The following HTRA1 variants were observed in gnomAD, a reference collection of about 807,000 sequenced individuals.
HTRA1 encodes HtrA serine peptidase 1.
HTRA1 carries 26 observed loss-of-function variants against 49.7 expected under a neutral mutation model. The observed-to-expected ratio is 0.52, with a 90% CI of 0.38 to 0.73. The LOEUF (loss-of-function observed/expected upper bound fraction) is 0.73. Among genes scored for constraint, HTRA1 ranks in the 30% least tolerant of loss-of-function variants. The pLI is 0.00. For missense variants in HTRA1, 561 were observed against 667.2 expected (o/e 0.84, Z 1.75); for synonymous variants, 291 against 286.9 (o/e 1.01, Z -0.14).
In HTRA1 at chr10:122,494,785, T is replaced by C. The variant is rs1468417856; in HGVS notation, c.777+5159T>C. 6.6e-6 allele frequency among the ~76,000 whole-genome samples: 1 copy of C among 151,976 alleles called. No homozygotes were observed. Among genetic ancestry groups the C allele is most frequent in the Non-Finnish European group, 1.5e-5 (1 of 67,990 alleles). On this transcript the variant is annotated intron_variant, in intron 3 of 8. Transcript: ENST00000368984. This position sits in a 1 kb window ranked among gnomAD's most constrained non-coding sequence, Gnocchi z 4.0. ...CTTACTGCTGAGCTGGCTGGTGCAG[T>C]GAGAAGGAAGGCCGACACCCCTGAT...
intron 1 of HTRA1, among the ~76,000 whole-genome samples, chr10:122,484,864 C>T (rs1482440474): frequency 6.6e-6 from 1 of 152,166 alleles, no homozygotes; most frequent in Admixed American, 6.5e-5. Flanking sequence ...GCAGTGGACG[C>T]CCCCACCCTC....
intron 1 of HTRA1, among the ~76,000 whole-genome samples, chr10:122,477,653 C>T (rs188255746): frequency 2.6e-5 from 4 of 152,170 alleles, no homozygotes; most frequent in African/African-American, 7.2e-5. Context: ...CCAGAGAGAG[C>T]GGCAGTGTGT....
intron 2 of HTRA1, 148 bp from the exon 3 acceptor site, chr10:122,489,274 C>A: frequency 1.2e-6 from 1 of 816,902 alleles, no homozygotes; most frequent in Non-Finnish European, 2.0e-6. Context: ...AAAAAATTGG[C>A]AGGATGTTTA....
intron 6 of HTRA1, 21 bp downstream of exon 6, chr10:122,508,791 C>A: frequency 7.1e-7 from 1 of 1,410,328 alleles, no homozygotes; most frequent in Non-Finnish European, 1.0e-6. Context: ...CCCACACAGC[C>A]CTGGGGACTC....
intron 1 of HTRA1, among the ~76,000 whole-genome samples, chr10:122,481,607 A>T (rs1311507835): frequency 6.6e-6 from 1 of 152,204 alleles, no homozygotes; most frequent in Non-Finnish European, 1.5e-5. Context: ...CACTGCAGAG[A>T]GCCCAAGAGC....
At chr10:122,467,010 C>T (rs2097484038) in intron 1 of HTRA1, among the ~76,000 whole-genome samples, 3 of 152,154 alleles carry the variant, frequency 2.0e-5, no homozygotes, top group African/African-American at 4.8e-5. Context: ...AAATGGGTTG[C>T]ATTGGAACTT....
chr10:122,491,909 C>CA (rs2097496041), intron 3 of HTRA1, among the ~76,000 whole-genome samples: 1 of 152,162 alleles, frequency 6.6e-6, no homozygotes, highest in South Asian at 2.1e-4. Flanking sequence ...GACTAAACTG[C>CA]TTTTTTTTGC....
At chr10:122,493,701 T>C (rs901315752) in intron 3 of HTRA1, among the ~76,000 whole-genome samples, 20 of 152,346 alleles carry the variant, frequency 1.3e-4, no homozygotes, top group African/African-American at 4.6e-4. Context: ...AAAGCATCTT[T>C]GGAATCATGT....
chr10:122,490,299 T>C lies in HTRA1; in HGVS notation c.777+673T>C, dbSNP rs573981931. Among the ~76,000 whole-genome samples the C allele has an allele frequency of 6.6e-6, 1 of 152,286 alleles. No individual in the cohort carries two copies. Among genetic ancestry groups the C allele is most frequent in the South Asian group, 2.1e-4 (1 of 4,818 alleles). On this transcript the variant is annotated intron_variant, in intron 3 of 8. Transcript: ENST00000368984. The surrounding 1 kb of genome is among the most constrained non-coding windows in gnomAD (Gnocchi z 4.2). Reference sequence around the variant, plus strand: ...AATCATTTGAGTATACAGCTTTTTGTGGGGGCAGGCAGAACTGAGACATAC... The same window carrying C: ...AATCATTTGAGTATACAGCTTTTTGCGGGGGCAGGCAGAACTGAGACATAC...
chr10:122,496,258 T>TTTTTTTTTTTTTTG (rs1565427230), intron 3 of HTRA1, among the ~76,000 whole-genome samples: 5 of 132,506 alleles, frequency 3.8e-5, no homozygotes, highest in African/African-American at 1.4e-4. Context: ...TTTTTTTTTT[T>TTTTTTTTTTTTTTG]TGCAGAGATG....
At position 122,514,189 on chromosome 10, in the gene HTRA1, A is replaced by G; in HGVS notation, c.1275-2A>G. 1 of 1,613,628 alleles carries G rather than the reference A, an allele frequency of 6.2e-7. No individual in the cohort carries two copies. Among genetic ancestry groups the G allele is most frequent in the Non-Finnish European group, 8.5e-7 (1 of 1,179,808 alleles). ...GCCATTGTGTTTCCCTTTGTGTTGC[A>G]GTGGTGGTCTCAAGGAAAACGACGT... On this transcript the variant is annotated splice_acceptor_variant, in intron 8 of 8. Transcript: ENST00000368984. LOFTEE classifies it high-confidence loss of function.
rs571068973 is a variant in HTRA1 at position 122,469,758 on chromosome 10, C to T, written c.472+7634C>T. Among the ~76,000 whole-genome samples the T allele has an allele frequency of 7.7e-4, 118 of 152,308 alleles. 1 individual carries two copies. The highest frequency in any genetic ancestry group is 1.5e-3 in the Non-Finnish European group (99 of 68,032). On this transcript the variant is annotated intron_variant, in intron 1 of 8. Transcript: ENST00000368984. ...GTAACTTGTCCAAGGCCAGCCAGTG[C>T]AAGGAGGCAGAGCCAGGATTTGAGC...
At chr10:122,510,218 A>G in intron 7 of HTRA1, 65 bp downstream of exon 7, 6 of 1,329,736 alleles carry the variant, frequency 4.5e-6, no homozygotes, top group South Asian at 2.4e-5. Context: ...GAAGGTGCTC[A>G]CGGGCACCCC....
rs2097497501 is a variant in HTRA1, at chr10:122,494,327, G to A, written c.777+4701G>A. Among the ~76,000 whole-genome samples, 1 of 152,118 alleles carries A rather than the reference G, an allele frequency of 6.6e-6. No individual in the cohort carries two copies. Among genetic ancestry groups the A allele is most frequent in the Admixed American group, 6.5e-5 (1 of 15,282 alleles). ...TGCCCCGGAGGAAGCAAGGGCACCC[G>A]CCACATGGATGGAATTGAGGGGAAG... On this transcript the variant is annotated intron_variant, in intron 3 of 8. Transcript: ENST00000368984. The surrounding 1 kb of genome is among the most constrained non-coding windows in gnomAD (Gnocchi z 4.0).
Position 122,464,338 on chromosome 10 carries a change from GC to G in HTRA1, c.472+2219del, listed in dbSNP as rs2097482879. On this transcript the variant is annotated intron_variant, in intron 1 of 8. Transcript: ENST00000368984. The surrounding 1 kb of genome is among the most constrained non-coding windows in gnomAD (Gnocchi z 4.8). Reference sequence around the variant, plus strand: ...CCATTGGCCATCGGGCTCACAGCGGGCCCCCGGTGTACCAGTGAGGGGACAG... The same window carrying G: ...CCATTGGCCATCGGGCTCACAGCGGGCCCCGGTGTACCAGTGAGGGGACAG... 6.6e-6 allele frequency among the ~76,000 whole-genome samples: 1 copy of G among 152,156 alleles called. No homozygotes were observed. Among genetic ancestry groups the G allele is most frequent in the South Asian group, 2.1e-4 (1 of 4,822 alleles).
At position 122,514,366 on chromosome 10, in the gene HTRA1, G is replaced by A. The variant is rs773471107; in HGVS notation, c.*7G>A. 8.7e-6 allele frequency: 14 copies of A among 1,613,626 alleles called. No individual in the cohort carries two copies. In the Middle Eastern group the frequency reaches 4.9e-4, roughly 57 times the overall value. On this transcript the variant is annotated 3_prime_UTR_variant, in exon 9 of 9. Transcript: ENST00000368984. ...CGAAGAAATTGACCCATAGGCAGAG[G>A]CATGAGCTGGACTTCATGTTTCCCT...
intron 3 of HTRA1, among the ~76,000 whole-genome samples, chr10:122,499,839 G>A (rs1591037210): frequency 6.6e-6 from 1 of 152,186 alleles, no homozygotes; most frequent in East Asian, 1.9e-4. Context: ...CCAGCCAGTT[G>A]CTGCAATGTT....
At chr10:122,510,671 G>A (rs765018281) in intron 7 of HTRA1, among the ~76,000 whole-genome samples, 6 of 152,174 alleles carry the variant, frequency 3.9e-5, no homozygotes, top group Non-Finnish European at 7.3e-5. Flanking sequence ...GCCTGTGGTT[G>A]GCAGGCTCAT....
chr10:122,500,083 C>T lies in HTRA1; in HGVS notation c.778-6608C>T, dbSNP rs188741571. Reference sequence around the variant, plus strand: ...TGGTTTTTTTTTATTTTTCTTTTCTCCAAGCTTCAGGGAATGAGATTGAAT... The same window carrying T: ...TGGTTTTTTTTTATTTTTCTTTTCTTCAAGCTTCAGGGAATGAGATTGAAT... On this transcript the variant is annotated intron_variant, in intron 3 of 8. Transcript: ENST00000368984. Among the ~76,000 whole-genome samples the T allele has an allele frequency of 6.0e-4, 91 of 152,090 alleles. 1 individual carries two copies. The highest frequency in any genetic ancestry group is 5.6e-3 in the East Asian group (29 of 5,184).
Sources: gnomAD v4.1 joint callset for allele counts (sites outside exome capture counted in the v4.1 genomes callset) on GRCh38, gnomAD v4.1.1 for gene constraint, Gnocchi (gnomAD v3.1) non-coding constraint, MANE v1.5 for transcripts, NCBI Gene and HGNC (gene_info 2026-07-23, HGNC 2026-07-21) for gene names.